AGMO: variants seen among roughly 807,000 people sequenced by gnomAD.
AGMO encodes glyceryl-ether monooxygenase.
AGMO carries 75 observed loss-of-function variants against 60.2 expected under a neutral mutation model. That is an observed-to-expected ratio of 1.25 (90% CI 1.03 to 1.51). AGMO has a LOEUF of 1.51. Among genes scored for constraint, AGMO ranks in the 40% most tolerant of loss-of-function variants. AGMO has a pLI of 0.00. For missense variants in AGMO, 763 were observed against 525.5 expected, an observed-to-expected ratio of 1.45 and a Z score of -4.42; for synonymous variants, 261 against 177.1, an observed-to-expected ratio of 1.47 and a Z score of -3.76.
At chr7:15,342,658 T>C (rs75659825) in intron 12 of AGMO, among the ~76,000 whole-genome samples, 1,920 of 151,220 alleles carry the variant, frequency 0.013, 36 homozygotes, top group African/African-American at 0.037. Context: ...TTTGCGCGCG[T>C]GTGTGTGTGT....
At chr7:15,184,277 AAAAG>A in the AGMO span, among the ~76,000 whole-genome samples, 1 of 127,074 alleles carries the variant, frequency 7.9e-6, no homozygotes, top group Non-Finnish European at 1.7e-5. Context: ...GGGAGGAAAG[AAAAG>A]GAAGGAAGGA....
chr7:15,248,094 T>C (rs1361077615), intron 12 of AGMO, among the ~76,000 whole-genome samples: 1 of 146,802 alleles, frequency 6.8e-6, no homozygotes, highest in Non-Finnish European at 1.5e-5. Flanking sequence ...ATGTAAGATG[T>C]AGACAAGAAA....
chr7:15,172,502 G>A, the AGMO span, among the ~76,000 whole-genome samples: 4 of 152,094 alleles, frequency 2.6e-5, no homozygotes, highest in Admixed American at 6.6e-5. Context: ...ATTGACTAAA[G>A]CATCAACACT....
chr7:15,428,000 C>G (rs1156807062), intron 4 of AGMO, among the ~76,000 whole-genome samples: 3 of 152,148 alleles, frequency 2.0e-5, no homozygotes, highest in African/African-American at 7.2e-5. Context: ...TTTCACATTT[C>G]AATGTGAAAT....
At chr7:15,377,681 A>G (rs542911486) in intron 10 of AGMO, among the ~76,000 whole-genome samples, 1 of 152,054 alleles carries the variant, frequency 6.6e-6, no homozygotes, top group African/African-American at 2.4e-5. Context: ...CAACAGTTGG[A>G]TATTTAGACA....
chr7:15,294,096 G>T (rs1436462572), intron 12 of AGMO, among the ~76,000 whole-genome samples: 3 of 152,030 alleles, frequency 2.0e-5, no homozygotes, highest in Non-Finnish European at 4.4e-5. Context: ...CCTTGAACAG[G>T]TTCCAGAAAA....
chr7:15,350,164 T>A (rs1252481169), intron 12 of AGMO, among the ~76,000 whole-genome samples: 3 of 152,154 alleles, frequency 2.0e-5, no homozygotes, highest in African/African-American at 7.2e-5. Context: ...TTCATCATAG[T>A]AATTTAAATA....
At chr7:15,176,137 G>T in the AGMO span, among the ~76,000 whole-genome samples, 40 of 152,058 alleles carry the variant, frequency 2.6e-4, no homozygotes, top group African/African-American at 9.6e-4. Context: ...TATGCTTCAA[G>T]ATTTATACTT....
At chr7:15,511,410 T>C (rs1214248561) in intron 3 of AGMO, among the ~76,000 whole-genome samples, 1 of 152,108 alleles carries the variant, frequency 6.6e-6, no homozygotes, top group Non-Finnish European at 1.5e-5. Flanking sequence ...ACAAAATGAC[T>C]TTGAACAAAA....
intron 12 of AGMO, among the ~76,000 whole-genome samples, chr7:15,355,503 T>TGAA (rs1331244740): frequency 4.7e-5 from 1 of 21,270 alleles, no homozygotes; most frequent in South Asian, 1.2e-3. Context: ...AGACTCTGTC[T>TGAA]CAAAAAAAAA....
chr7:15,244,829 T>C (rs760199207), intron 12 of AGMO, among the ~76,000 whole-genome samples: 2 of 152,082 alleles, frequency 1.3e-5, no homozygotes, highest in Admixed American at 6.5e-5. Flanking sequence ...TTTTTTTGTA[T>C]TTTTAGTAGA....
At chr7:15,146,151 C>G in the AGMO span, among the ~76,000 whole-genome samples, 1 of 152,058 alleles carries the variant, frequency 6.6e-6, no homozygotes, top group Non-Finnish European at 1.5e-5. Context: ...ATGGTTAATT[C>G]TATACACCTT....
At chr7:15,374,355 G>A (rs917975790) in intron 10 of AGMO, among the ~76,000 whole-genome samples, 4 of 151,886 alleles carry the variant, frequency 2.6e-5, no homozygotes, top group Admixed American at 6.6e-5. Flanking sequence ...TATATCAAAG[G>A]TGAAAATATA....
chr7:15,250,477 T>C (rs1782897037), intron 12 of AGMO, among the ~76,000 whole-genome samples: 2 of 152,020 alleles, frequency 1.3e-5, no homozygotes, highest in Admixed American at 6.6e-5. Flanking sequence ...ATCTGATGCT[T>C]TGATAATGTG....
chr7:15,365,847 G>C (rs1782955472), intron 11 of AGMO, among the ~76,000 whole-genome samples: 1 of 151,964 alleles, frequency 6.6e-6, no homozygotes, highest in Non-Finnish European at 1.5e-5. Flanking sequence ...GCACTGATGA[G>C]TTATGAAGTT....
the AGMO span, among the ~76,000 whole-genome samples, chr7:15,155,482 T>C: frequency 7.5e-6 from 1 of 134,158 alleles, no homozygotes; most frequent in Non-Finnish European, 1.6e-5. Flanking sequence ...AATTTTTCAC[T>C]TCCAGACATT....
the AGMO span, among the ~76,000 whole-genome samples, chr7:15,158,584 G>A: frequency 6.6e-6 from 1 of 152,136 alleles, no homozygotes. Flanking sequence ...TCATGCAAAG[G>A]AAATAGTTTC....
At chr7:15,171,982 T>C in the AGMO span, among the ~76,000 whole-genome samples, 1 of 152,172 alleles carries the variant, frequency 6.6e-6, no homozygotes, top group Admixed American at 6.5e-5. Context: ...ATTGAGGGCC[T>C]GGGATAACCT....
intron 12 of AGMO, among the ~76,000 whole-genome samples, chr7:15,259,006 C>T (rs2128508933): frequency 6.6e-6 from 1 of 152,152 alleles, no homozygotes; most frequent in Middle Eastern, 3.4e-3. Context: ...AAGGTTGTTT[C>T]ACACCCCCAA....
Sources: gnomAD v4.1 joint callset for allele counts (sites outside exome capture counted in the v4.1 genomes callset) on GRCh38, gnomAD v4.1.1 for gene constraint, MANE v1.5 for transcripts, NCBI Gene and HGNC (gene_info 2026-07-23, HGNC 2026-07-21) for gene names.